PLCB4: variants seen among roughly 807,000 people sequenced by gnomAD.
PLCB4 encodes phospholipase C beta 4, also known as 1-phosphatidylinositol 4,5-bisphosphate phosphodiesterase beta-4.
A neutral mutation model predicts 178.8 loss-of-function variants in PLCB4; 77 were observed. The ratio of observed to expected loss-of-function variants is 0.43; its 90% CI spans 0.36 to 0.52. The LOEUF (loss-of-function observed/expected upper bound fraction) is 0.52. Among genes scored for constraint, PLCB4 ranks in the 20% least tolerant of loss-of-function variants. The probability of loss-of-function intolerance (pLI) is 0.00; values close to 1 mark genes in which losing one functional copy is unlikely to be tolerated. For synonymous variants in PLCB4, 496 were observed against 490.8 expected, an observed-to-expected ratio of 1.01 and a Z score of -0.14; for missense variants, 1,024 against 1,453.4, an observed-to-expected ratio of 0.70 and a Z score of 4.80.
intron 3 of PLCB4, among the ~76,000 whole-genome samples, chr20:9,255,584 C>T (rs866081863): frequency 1.4e-5 from 2 of 147,400 alleles, no homozygotes; most frequent in African/African-American, 5.0e-5. Context: ...CCCAAACCAA[C>T]AGATGGTAAT....
At chr20:9,088,757 G>T (rs565688308) in intron 1 of PLCB4, among the ~76,000 whole-genome samples, 1 of 152,236 alleles carries the variant, frequency 6.6e-6, no homozygotes, top group East Asian at 1.9e-4. Flanking sequence ...AGTTGGTCAG[G>T]TTGGCCTATA....
Position 9,354,995 on chromosome 20 carries a change from G to A in PLCB4, c.370-7901G>A, listed in dbSNP as rs1298911529. ...GTTTAAAAAAGCAGATTGAAAGACA[G>A]CCCAAGTACATTCTAATTATTAGTT... On this transcript the variant is annotated intron_variant, in intron 7 of 39. Coordinates refer to ENST00000378473, the MANE Select transcript of PLCB4 (RefSeq NM_001377142.1). 2.0e-5 allele frequency among the ~76,000 whole-genome samples: 3 copies of A among 152,194 alleles called. No individual in the cohort carries two copies. The East Asian group carries it at 5.8e-4, about 29-fold the overall frequency.
At chr20:9,104,843 G>A (rs1217968808) in intron 2 of PLCB4, among the ~76,000 whole-genome samples, 2 of 151,924 alleles carry the variant, frequency 1.3e-5, no homozygotes, top group African/African-American at 4.8e-5. Context: ...TCTGTAGTAT[G>A]TCTTTCTGTT....
At chr20:9,275,672 A>G (rs1007556043) in intron 3 of PLCB4, among the ~76,000 whole-genome samples, 2 of 152,036 alleles carry the variant, frequency 1.3e-5, no homozygotes, top group African/African-American at 4.8e-5. Flanking sequence ...TTCAAATCCC[A>G]ACTAATTCTG....
At chr20:9,435,154 G>T (rs1195349540) in intron 28 of PLCB4, among the ~76,000 whole-genome samples, 1 of 152,174 alleles carries the variant, frequency 6.6e-6, no homozygotes, top group Non-Finnish European at 1.5e-5. Context: ...GAATTATCAT[G>T]ATTATTCTGC....
chr20:9,384,533 T>C (rs1201517185), intron 14 of PLCB4, 122 bp downstream of exon 14: 1 of 679,442 alleles, frequency 1.5e-6, no homozygotes, highest in Non-Finnish European at 2.6e-6. Context: ...TTCCCTTTAA[T>C]GGATTATCAT....
intron 1 of PLCB4, among the ~76,000 whole-genome samples, chr20:9,072,577 C>T (rs1366553367): frequency 6.6e-6 from 1 of 152,000 alleles, no homozygotes; most frequent in Non-Finnish European, 1.5e-5. Flanking sequence ...TGGAATTAAG[C>T]TTGCTTTGAA....
intron 3 of PLCB4, among the ~76,000 whole-genome samples, chr20:9,273,688 G>GTGTT (rs2094426209): frequency 6.9e-6 from 1 of 145,422 alleles, no homozygotes; most frequent in African/African-American, 2.5e-5. Flanking sequence ...GTGTGTGTGT[G>GTGTT]TGTGTGTGTG....
chr20:9,389,878 G>A lies in PLCB4; in HGVS notation c.1159-1G>A. 1 of 1,523,544 alleles carries A rather than the reference G, an allele frequency of 6.6e-7. No individual in the cohort carries two copies. Among genetic ancestry groups the A allele is most frequent in the Non-Finnish European group, 9.0e-7 (1 of 1,108,976 alleles). 94.4% of individuals were successfully genotyped at this position (1,523,544 alleles called of 1,614,324 possible). A position where few individuals can be genotyped will look rare whatever the true frequency, so the allele number is the denominator to read the frequency against. On this transcript the variant is annotated splice_acceptor_variant, in intron 15 of 39. Coordinates refer to ENST00000378473, the MANE Select transcript of PLCB4 (RefSeq NM_001377142.1). LOFTEE classifies it high-confidence loss of function. ...ATTAACGTTTTTTTTTGTTTTTAAA[G>A]GATGTAATTCAAGCCATCAAGGAAA...
intron 2 of PLCB4, among the ~76,000 whole-genome samples, chr20:9,178,798 T>C (rs2093197642): frequency 6.6e-6 from 1 of 152,020 alleles, no homozygotes; most frequent in African/African-American, 2.4e-5. Flanking sequence ...AATAAAATAC[T>C]TTTAGCCACA....
intron 2 of PLCB4, among the ~76,000 whole-genome samples, chr20:9,173,302 T>C (rs1435350011): frequency 6.6e-6 from 1 of 152,224 alleles, no homozygotes; most frequent in Non-Finnish European, 1.5e-5. Context: ...ACAGTGTTAC[T>C]AGTTGCCAAC....
At chr20:9,401,077 G>A (rs776570271) in intron 19 of PLCB4, among the ~76,000 whole-genome samples, 2 of 152,090 alleles carry the variant, frequency 1.3e-5, no homozygotes, top group African/African-American at 2.4e-5. Flanking sequence ...AAAATTATCC[G>A]ATGTATTTGT....
rs138780838 is a variant in PLCB4, at chr20:9,384,283, C to T, written c.936C>T (p.Tyr312=). 41 of 1,613,866 alleles carry T rather than the reference C, an allele frequency of 2.5e-5. No individual in the cohort carries two copies. The highest frequency in any genetic ancestry group is 3.2e-5 in the Non-Finnish European group (38 of 1,179,890). The part of the protein sequence containing the change: ...APVFLDRLEL[Y]QEMDHPLAHY... ...TCTTCCTAGATCGTTTAGAACTTTA[C>T]CAAGAAATGGACCATCCTCTGGCTC... The change falls in exon 14 of 40, where the codon TAC becomes TAT. Residue 312 remains tyrosine (Y), a synonymous_variant. Transcript: ENST00000378473.
intron 3 of PLCB4, among the ~76,000 whole-genome samples, chr20:9,225,803 G>A (rs2147318439): frequency 6.6e-6 from 1 of 152,230 alleles, no homozygotes; most frequent in South Asian, 2.1e-4. Context: ...TCAGCTCCCT[G>A]GATTATTTTT....
intron 3 of PLCB4, among the ~76,000 whole-genome samples, chr20:9,303,582 A>G (rs2094730099): frequency 6.6e-6 from 1 of 152,062 alleles, no homozygotes; most frequent in Non-Finnish European, 1.5e-5. Context: ...CTATGCATTC[A>G]TTTGTTGTGG....
At chr20:9,360,003 C>T (rs192987160) in intron 7 of PLCB4, among the ~76,000 whole-genome samples, 4 of 152,236 alleles carry the variant, frequency 2.6e-5, no homozygotes, top group Non-Finnish European at 1.5e-5. Context: ...TTTACCTGAA[C>T]GATAATAGAA....
intron 4 of PLCB4, among the ~76,000 whole-genome samples, chr20:9,325,300 C>G (rs2030299573): frequency 6.6e-6 from 1 of 152,038 alleles, no homozygotes; most frequent in African/African-American, 2.4e-5. Context: ...TAAGTTGTTC[C>G]TCTTTAATTT....
At chr20:9,350,713 C>T (rs2034252436) in intron 7 of PLCB4, among the ~76,000 whole-genome samples, 1 of 152,142 alleles carries the variant, frequency 6.6e-6, no homozygotes, top group Non-Finnish European at 1.5e-5. Flanking sequence ...TGCATGCCAC[C>T]ACGCCCAGCT....
At position 9,399,166 on chromosome 20, in the gene PLCB4, T is replaced by C. The variant is rs114892182; in HGVS notation, c.1511-2324T>C. Among the ~76,000 whole-genome samples the C allele has an allele frequency of 1.3e-3, 204 of 152,242 alleles. 1 individual carries two copies. The highest frequency in any genetic ancestry group is 4.8e-3 in the African/African-American group (200 of 41,546). ...GTAATTATTCCTCCAGGCAGAAAAA[T>C]ATTTGCCTCTAGTGACTCCCATGTT... On this transcript the variant is annotated intron_variant, in intron 19 of 39. Coordinates refer to ENST00000378473, the MANE Select transcript of PLCB4 (RefSeq NM_001377142.1).
Sources: gnomAD v4.1 joint callset for allele counts (sites outside exome capture counted in the v4.1 genomes callset) on GRCh38, gnomAD v4.1.1 for gene constraint, MANE v1.5 for transcripts, NCBI Gene and HGNC (gene_info 2026-07-23, HGNC 2026-07-21) for gene names.